Variants in GLIS1 observed in about 807,000 individuals in gnomAD.
GLIS1 encodes the protein GLIS family zinc finger 1, also known as zinc finger protein GLIS1.
A neutral mutation model predicts 63.8 loss-of-function variants in GLIS1; 24 were observed. The observed-to-expected ratio is 0.38, with a 90% CI of 0.27 to 0.53. The LOEUF (loss-of-function observed/expected upper bound fraction) is 0.53, where lower values mean the gene tolerates loss of function less well. GLIS1 is among the 20% of genes least tolerant of loss of function. The pLI, the probability that GLIS1 is intolerant of heterozygous loss-of-function variation, is 0.85. For missense variants in GLIS1, 1,036 were observed against 1,074.1 expected (o/e 0.96, Z 0.50); for synonymous variants, 450 against 482.5 (o/e 0.93, Z 0.88).
chr1:53,725,084 G>C (rs1646792525), intron 2 of GLIS1, among the ~76,000 whole-genome samples: 1 of 152,190 alleles, frequency 6.6e-6, no homozygotes, highest in South Asian at 2.1e-4. Flanking sequence ...AGTGGGGAGG[G>C]AGAGGTATGA....
rs924037463 is a variant in GLIS1, at chr1:53,526,601, C to T, written c.1483-1714G>A. ...ACACCACACCATACACACCCACGCA[C>T]GGCACACACACGTGCGTTCACATGT... On this transcript the variant is annotated intron_variant, in intron 5 of 10. Transcript: ENST00000628545. The surrounding 1 kb of genome is among the most constrained non-coding windows in gnomAD (Gnocchi z 4.4). 9.9e-5 allele frequency among the ~76,000 whole-genome samples: 15 copies of T among 152,162 alleles called. No homozygotes were observed. The East Asian group carries it at 1.5e-3, about 16-fold the overall frequency.
chr1:53,524,493 C>T (rs1644443651), intron 6 of GLIS1, among the ~76,000 whole-genome samples: 1 of 152,246 alleles, frequency 6.6e-6, no homozygotes, highest in Non-Finnish European at 1.5e-5. Context: ...GTGTTTACCA[C>T]ACAAGCCGCG....
chr1:53,533,393 T>C (rs1387131621), intron 4 of GLIS1, among the ~76,000 whole-genome samples: 3 of 152,166 alleles, frequency 2.0e-5, no homozygotes, highest in Non-Finnish European at 4.4e-5. Flanking sequence ...CCCCTGTGAG[T>C]ACACCCCCTT....
At chr1:53,508,872 TG>T (rs1644265191) in intron 10 of GLIS1, among the ~76,000 whole-genome samples, 1 of 152,224 alleles carries the variant, frequency 6.6e-6, no homozygotes, top group South Asian at 2.1e-4. Context: ...TTCAGAAACC[TG>T]CCAGCATTCA....
In GLIS1 at chr1:53,640,668, G is replaced by A. The variant is rs540142687; in HGVS notation, c.260-40390C>T. On this transcript the variant is annotated intron_variant, in intron 2 of 10. Coordinates refer to ENST00000628545, the MANE Select transcript of GLIS1 (RefSeq NM_001367484.1). The stretch of plus-strand genomic sequence containing the variant: ...TCCTCCCCAGAGCCCTGTGACAAGC[G>A]CTGTCACTGTGCCCATCATACAGAA... Among the ~76,000 whole-genome samples, 4 of 152,306 alleles carry A rather than the reference G, an allele frequency of 2.6e-5. No homozygotes were observed. In the East Asian group the frequency reaches 7.7e-4, roughly 29 times the overall value.
At chr1:53,536,748 C>T (rs1382780425) in intron 4 of GLIS1, among the ~76,000 whole-genome samples, 23 of 152,122 alleles carry the variant, frequency 1.5e-4, no homozygotes, top group Non-Finnish European at 4.4e-5. Context: ...TCAAACCAGG[C>T]GTCACAGGTT....
At position 53,598,282 on chromosome 1, in the gene GLIS1, C is replaced by T. The variant is rs1477149704; in HGVS notation, c.437+1819G>A. 6.6e-6 allele frequency among the ~76,000 whole-genome samples: 1 copy of T among 152,222 alleles called. No homozygotes were observed. The highest frequency in any genetic ancestry group is 1.5e-5 in the Non-Finnish European group (1 of 68,050). On this transcript the variant is annotated intron_variant, in intron 3 of 10. Transcript: ENST00000628545. This position sits in a 1 kb window ranked among gnomAD's most constrained non-coding sequence, Gnocchi z 4.6. Reference sequence around the variant, plus strand: ...TGAGGGCCGGGCACGGTGGCTCACGCCTGTAATCCCAGCACTTTGGGAGGC... The same window carrying T: ...TGAGGGCCGGGCACGGTGGCTCACGTCTGTAATCCCAGCACTTTGGGAGGC...
At chr1:53,538,075 G>A (rs12739933) in intron 4 of GLIS1, among the ~76,000 whole-genome samples, 58,109 of 152,220 alleles carry the variant, frequency 0.38, 11,217 homozygotes, top group Admixed American at 0.41. Context: ...GGGAGGGGCC[G>A]CTGGCTGGCC....
At chr1:53,655,414 A>G (rs1467290483) in intron 2 of GLIS1, among the ~76,000 whole-genome samples, 1 of 152,214 alleles carries the variant, frequency 6.6e-6, no homozygotes, top group African/African-American at 2.4e-5. Context: ...ATTCTACCAC[A>G]TGCTAGTTAT....
intron 4 of GLIS1, among the ~76,000 whole-genome samples, chr1:53,579,460 G>A (rs1405460318): frequency 6.6e-6 from 1 of 152,252 alleles, no homozygotes; most frequent in African/African-American, 2.4e-5. Context: ...TCAGGCTGTG[G>A]GAGGGGGATC....
At chr1:53,636,978 C>T (rs1645732587) in intron 2 of GLIS1, among the ~76,000 whole-genome samples, 1 of 152,242 alleles carries the variant, frequency 6.6e-6, no homozygotes, top group African/African-American at 2.4e-5. Context: ...CCCTCACGTA[C>T]AACAGGTCGC....
chr1:53,661,960 A>T (rs1223425391), intron 2 of GLIS1, among the ~76,000 whole-genome samples: 1 of 152,062 alleles, frequency 6.6e-6, no homozygotes, highest in Admixed American at 6.5e-5. Context: ...GCAGGGAGGG[A>T]TGGAGGGCCA....
At position 53,727,139 on chromosome 1, in the gene GLIS1, G is replaced by T. The variant is rs376312037; in HGVS notation, c.259+10667C>A. Among the ~76,000 whole-genome samples the T allele has an allele frequency of 9.9e-5, 15 of 152,214 alleles. No individual in the cohort carries two copies. The East Asian group carries it at 1.9e-3, about 20-fold the overall frequency. On this transcript the variant is annotated intron_variant, in intron 2 of 10. Transcript: ENST00000628545. The stretch of plus-strand genomic sequence containing the variant: ...GTAATGTAGTCAGGATCCAAACTCA[G>T]TTCCGACTCTAAAAGCCATGTGGCC...
chr1:53,507,278 C>T (rs1644244433), intron 10 of GLIS1, among the ~76,000 whole-genome samples: 1 of 152,204 alleles, frequency 6.6e-6, no homozygotes, highest in African/African-American at 2.4e-5. Flanking sequence ...CCACAATGCT[C>T]CCCTGCGGTG....
At chr1:53,653,930 CT>C (rs1173560031) in intron 2 of GLIS1, among the ~76,000 whole-genome samples, 3 of 152,344 alleles carry the variant, frequency 2.0e-5, no homozygotes, top group South Asian at 4.1e-4. Context: ...GGACCAGACC[CT>C]AAGGAACAGG....
In GLIS1 at chr1:53,539,701, C is replaced by T. The variant is rs1296024473; in HGVS notation, c.1321-9749G>A. 6.6e-6 allele frequency among the ~76,000 whole-genome samples: 1 copy of T among 152,172 alleles called. No individual in the cohort carries two copies. The highest frequency in any genetic ancestry group is 1.5e-5 in the Non-Finnish European group (1 of 68,030). On this transcript the variant is annotated intron_variant, in intron 4 of 10. Coordinates refer to ENST00000628545, the MANE Select transcript of GLIS1 (RefSeq NM_001367484.1). This position sits in a 1 kb window ranked among gnomAD's most constrained non-coding sequence, Gnocchi z 5.0. ...CCACATTCACAAACACACTAACCCC[C>T]ACCCACCAGCCACACCGACACACTG... is the stretch of plus-strand genomic sequence containing the variant.
chr1:53,559,939 C>T (rs2100435493), intron 4 of GLIS1, among the ~76,000 whole-genome samples: 1 of 152,244 alleles, frequency 6.6e-6, no homozygotes, highest in East Asian at 1.9e-4. Context: ...CCTACCTCTG[C>T]CCACAGTGTT....
At chr1:53,648,973 GT>G (rs1413114013) in intron 2 of GLIS1, among the ~76,000 whole-genome samples, 5 of 152,162 alleles carry the variant, frequency 3.3e-5, no homozygotes, top group Non-Finnish European at 5.9e-5. Context: ...TCTATATACA[GT>G]TGACTCTTGA....
chr1:53,729,299 G>C (rs1431340232), intron 2 of GLIS1, among the ~76,000 whole-genome samples: 1 of 152,172 alleles, frequency 6.6e-6, no homozygotes, highest in Non-Finnish European at 1.5e-5. Context: ...TCCGTTTGAA[G>C]GCCCAAAGAA....
Sources: gnomAD v4.1 joint callset for allele counts (sites outside exome capture counted in the v4.1 genomes callset) on GRCh38, gnomAD v4.1.1 for gene constraint, Gnocchi (gnomAD v3.1) non-coding constraint, MANE v1.5 for transcripts, NCBI Gene and HGNC (gene_info 2026-07-23, HGNC 2026-07-21) for gene names.